Variants in ADCY7 observed in about 807,000 individuals in gnomAD.
ADCY7 encodes adenylate cyclase 7.
A neutral mutation model predicts 120.6 loss-of-function variants in ADCY7; 72 were observed. That is an observed-to-expected ratio of 0.60 (90% CI 0.49 to 0.73). The LOEUF is 0.73. Among genes scored for constraint, ADCY7 ranks in the 30% least tolerant of loss-of-function variants. The pLI is 0.00. For missense variants in ADCY7, 1,227 were observed against 1,486.0 expected, an observed-to-expected ratio of 0.83 and a Z score of 2.87; for synonymous variants, 661 against 628.0, an observed-to-expected ratio of 1.05 and a Z score of -0.78.
At chr16:50,309,837 TGAG>T (rs1335129953) in intron 18 of ADCY7, among the ~76,000 whole-genome samples, 191 bp downstream of exon 18, 2 of 151,798 alleles carry the variant, frequency 1.3e-5, no homozygotes, top group African/African-American at 2.4e-5. Context: ...CCCAAGGGAG[TGAG>T]GAGTCCTGGC....
rs1241488787 is a variant in ADCY7, at chr16:50,297,058, C to T, written c.949-1846C>T. ...AAAGCCCACACAGAGGGTCCCTTGCCCTTGGACACAGTCTTCCCTCTCCAG... is the reference window on the plus strand; with the variant it reads ...AAAGCCCACACAGAGGGTCCCTTGCTCTTGGACACAGTCTTCCCTCTCCAG... On this transcript the variant is annotated intron_variant, in intron 7 of 25. Coordinates refer to ENST00000673801, the MANE Select transcript of ADCY7 (RefSeq NM_001114.5). The surrounding 1 kb of genome is among the most constrained non-coding windows in gnomAD (Gnocchi z 4.4). Among the ~76,000 whole-genome samples the T allele has an allele frequency of 1.3e-5, 2 of 152,212 alleles. No homozygotes were observed. The highest frequency in any genetic ancestry group is 1.3e-4 in the Admixed American group (2 of 15,286).
chr16:50,268,337 T>A (rs910520990), intron 1 of ADCY7, among the ~76,000 whole-genome samples: 1 of 152,096 alleles, frequency 6.6e-6, no homozygotes, highest in Non-Finnish European at 1.5e-5. Context: ...ACTCCTGACC[T>A]CAAATGATCC....
chr16:50,303,082 T>G (rs894975288), intron 10 of ADCY7, among the ~76,000 whole-genome samples: 1 of 152,206 alleles, frequency 6.6e-6, no homozygotes, highest in African/African-American at 2.4e-5. Flanking sequence ...TTTTATTTGT[T>G]TCTCAGGGGG....
At chr16:50,292,967 C>T in intron 5 of ADCY7, 142 bp downstream of exon 5, 1 of 1,106,064 alleles carries the variant, frequency 9.0e-7, no homozygotes. Context: ...GTCCTGGGCT[C>T]CAGCAGGGTA....
chr16:50,291,826 GCCTCCCACCT>G lies in ADCY7; in HGVS notation c.470_479del (p.Ser157TrpfsTer6). The G allele has an allele frequency of 6.2e-7, 1 of 1,614,068 alleles. No homozygotes were observed. The highest frequency in any genetic ancestry group is 8.5e-7 in the Non-Finnish European group (1 of 1,179,964). ...TGTCGCCGTTGGGGCCGTCTCCACT[GCCTCCCACCT>G]CCTGGTGCTCGGTTCTTTGATGGGA... On this transcript the variant is annotated frameshift_variant, in exon 4 of 26. Coordinates refer to ENST00000673801, the MANE Select transcript of ADCY7 (RefSeq NM_001114.5). LOFTEE classifies it high-confidence loss of function.
At chr16:50,269,556 G>A (rs905852798) in intron 1 of ADCY7, among the ~76,000 whole-genome samples, 6 of 152,182 alleles carry the variant, frequency 3.9e-5, no homozygotes, top group African/African-American at 1.4e-4. Flanking sequence ...TTTCCTGGAT[G>A]TGTGGTTGGG....
chr16:50,282,985 A>C (rs2034369998), intron 1 of ADCY7, among the ~76,000 whole-genome samples: 1 of 152,102 alleles, frequency 6.6e-6, no homozygotes, highest in Non-Finnish European at 1.5e-5. Flanking sequence ...GGAGCCTGGA[A>C]AGTGTGATGG....
At chr16:50,272,009 G>A (rs190793310) in intron 1 of ADCY7, among the ~76,000 whole-genome samples, 6 of 152,304 alleles carry the variant, frequency 3.9e-5, no homozygotes, top group Admixed American at 1.3e-4. Context: ...ACCCACGACT[G>A]GGCCTGAGGG....
rs753676126 is a variant in ADCY7 at position 50,294,758 on chromosome 16, C to T, written c.948+7C>T. 2 of 1,607,312 alleles carry T rather than the reference C, an allele frequency of 1.2e-6. No individual in the cohort carries two copies. Among genetic ancestry groups the T allele is most frequent in the South Asian group, 1.1e-5 (1 of 90,264 alleles). Reference sequence around the variant, plus strand: ...GTTCGACCAGATCGCCAAGGTGAGCCCGCTGGCCTACAATGGGCAAAGCCA... The same window carrying T: ...GTTCGACCAGATCGCCAAGGTGAGCTCGCTGGCCTACAATGGGCAAAGCCA... On this transcript the variant is annotated splice_region_variant and intron_variant, in intron 7 of 25. Transcript: ENST00000673801.
rs1025148390 is a variant in ADCY7, at chr16:50,288,215, C to G, written c.36C>G (p.Gly12=). 2 of 1,551,200 alleles carry G rather than the reference C, an allele frequency of 1.3e-6. No individual in the cohort carries two copies. The highest frequency in any genetic ancestry group is 1.7e-6 in the Non-Finnish European group (2 of 1,146,914). Residue 12 remains glycine, a synonymous_variant, in exon 2 of 26, where the codon GGC becomes GGG. Transcript: ENST00000673801. The part of the protein sequence containing the change: ...PAKGRYFLNE[G]EEGPDQDALY... ...AGGGGCGCTACTTCCTCAACGAGGG[C>G]GAGGAGGGCCCTGACCAAGATGCGC...
Position 50,315,572 on chromosome 16 carries a change from G to C in ADCY7, c.*67G>C. On this transcript the variant is annotated 3_prime_UTR_variant, in exon 26 of 26. Transcript: ENST00000673801. ...CTTCCCTGAAGCAAGCCCAGGAGAA[G>C]ACTCTCCGCCCCACGCCAATCCCAA... 6.3e-7 allele frequency: 1 copy of C among 1,575,646 alleles called. No individual in the cohort carries two copies. Among genetic ancestry groups the C allele is most frequent in the Non-Finnish European group, 8.7e-7 (1 of 1,152,914 alleles).
chr16:50,262,767 A>C (rs1281967637), upstream of ADCY7, among the ~76,000 whole-genome samples: 1 of 152,198 alleles, frequency 6.6e-6, no homozygotes, highest in Admixed American at 6.5e-5. Context: ...GGTTGCTGAG[A>C]GGGACAGGAA....
chr16:50,307,045 C>T lies in ADCY7; in HGVS notation c.1753-5C>T. Reference sequence around the variant, plus strand: ...GCCACCCCTCACAGTCCCTGCTGCCCCCAGTACCGCCTGGCACCCATCCCC... The same window carrying T: ...GCCACCCCTCACAGTCCCTGCTGCCTCCAGTACCGCCTGGCACCCATCCCC... On this transcript the variant is annotated splice_polypyrimidine_tract_variant and splice_region_variant and intron_variant, in intron 14 of 25. Coordinates refer to ENST00000673801, the MANE Select transcript of ADCY7 (RefSeq NM_001114.5). The T allele has an allele frequency of 1.2e-6, 2 of 1,606,282 alleles. No individual in the cohort carries two copies. Among genetic ancestry groups the T allele is most frequent in the Non-Finnish European group, 1.7e-6 (2 of 1,179,444 alleles).
At chr16:50,289,291 C>G in intron 2 of ADCY7, 1 of 434,038 alleles carries the variant, frequency 2.3e-6, no homozygotes, top group South Asian at 1.6e-5. Context: ...CTGCCTTGGC[C>G]TCCCAAAGTG....
upstream of ADCY7, among the ~76,000 whole-genome samples, chr16:50,262,757 G>C (rs1274175253): frequency 6.6e-6 from 1 of 152,210 alleles, no homozygotes; most frequent in Non-Finnish European, 1.5e-5. Context: ...AGAGGATGGG[G>C]GTTGCTGAGA....
chr16:50,298,140 C>G (rs1241508192), intron 7 of ADCY7, among the ~76,000 whole-genome samples: 6 of 152,030 alleles, frequency 3.9e-5, no homozygotes, highest in Non-Finnish European at 8.8e-5. Flanking sequence ...TGATATCTTT[C>G]CTCCCCACCC....
intron 2 of ADCY7, chr16:50,289,183 C>A (rs2034779009): frequency 3.1e-6 from 1 of 321,490 alleles, no homozygotes; most frequent in South Asian, 2.3e-5. Flanking sequence ...TTCTCAGAAT[C>A]CTCCTTTTGT....
At chr16:50,308,296 G>A (rs71384552) in intron 15 of ADCY7, 31 bp from the exon 16 acceptor site, 1 of 1,614,208 alleles carries the variant, frequency 6.2e-7, no homozygotes, top group Non-Finnish European at 8.5e-7. Context: ...GAAGGCCCTA[G>A]GCAGAACTGA....
upstream of ADCY7, among the ~76,000 whole-genome samples, chr16:50,266,124 C>T (rs556054632): frequency 4.6e-5 from 7 of 152,164 alleles, no homozygotes; most frequent in South Asian, 4.1e-4. Context: ...CAGAGGTGGA[C>T]GGGGCCACCT....
Sources: allele counts gnomAD v4.1 joint callset (sites outside exome capture counted in the v4.1 genomes callset), GRCh38; gene constraint gnomAD v4.1.1; non-coding constraint Gnocchi (gnomAD v3.1); transcripts MANE v1.5; gene names NCBI Gene and HGNC (gene_info 2026-07-23, HGNC 2026-07-21).